The following WDR35 variants were observed in gnomAD, a reference collection of about 807,000 sequenced individuals.
The protein encoded by WDR35 is WD repeat domain 35.
In WDR35, 118 loss-of-function variants were observed where a neutral mutation model predicts 158.3. The observed-to-expected ratio is 0.75, with a 90% CI of 0.64 to 0.87. The LOEUF (loss-of-function observed/expected upper bound fraction) is 0.87. Ranked by LOEUF, WDR35 falls within the 40% of genes least tolerant of loss-of-function variation. The pLI is 0.00. For synonymous variants in WDR35, 448 were observed against 476.1 expected (o/e 0.94, Z 0.77); for missense variants, 1,263 against 1,405.8 (o/e 0.90, Z 1.62).
At chr2:19,932,126 G>C (rs1670544513) in intron 23 of WDR35, among the ~76,000 whole-genome samples, 157 bp downstream of exon 23, 1 of 151,960 alleles carries the variant, frequency 6.6e-6, no homozygotes, top group South Asian at 2.1e-4. Flanking sequence ...TTGGTAAAAG[G>C]CAATAATACT....
At position 19,969,133 on chromosome 2, in the gene WDR35, G is replaced by A. The variant is rs897322585; in HGVS notation, c.1008+347C>T. ...TGACTCCCTTGTCTTGCCCCTTCAG[G>A]CCCAGGGCTGGTGATGGCTTCTCAT... On this transcript the variant is annotated intron_variant, in intron 9 of 26. Transcript: ENST00000281405. Among the ~76,000 whole-genome samples the A allele has an allele frequency of 5.3e-5, 8 of 152,186 alleles. No individual in the cohort carries two copies. In the East Asian group the frequency reaches 1.3e-3, roughly 26 times the overall value.
chr2:19,913,047 G>C lies in WDR35; in HGVS notation c.*511C>G, dbSNP rs926215436. ...CTTAAAATGCCATCGCCTCACTTCT[G>C]AAAATACAATAAAGAAGACATTCGA... On this transcript the variant is annotated 3_prime_UTR_variant, in exon 27 of 27. Transcript: ENST00000281405. The C allele has an allele frequency of 6.5e-6, 1 of 152,784 alleles. No individual in the cohort carries two copies. The highest frequency in any genetic ancestry group is 2.4e-5 in the African/African-American group (1 of 41,436). 9.5% of individuals were successfully genotyped at this position (152,784 alleles called of 1,614,324 possible).
At chr2:19,969,083 A>G (rs1350547203) in intron 9 of WDR35, among the ~76,000 whole-genome samples, 2 of 152,190 alleles carry the variant, frequency 1.3e-5, no homozygotes, top group Admixed American at 6.5e-5. Context: ...TTGCACAGCC[A>G]CAGCTCTTGT....
At chr2:19,965,524 C>T (rs1044485746) in intron 10 of WDR35, among the ~76,000 whole-genome samples, 4 of 152,210 alleles carry the variant, frequency 2.6e-5, no homozygotes, top group Non-Finnish European at 4.4e-5. Context: ...TTTCCAAACT[C>T]CCACCTCAAA....
intron 7 of WDR35, 124 bp from the exon 8 acceptor site, chr2:19,973,832 G>A: frequency 7.4e-7 from 1 of 1,348,958 alleles, no homozygotes; most frequent in Admixed American, 2.0e-5. Context: ...ACAGGGCTGG[G>A]TACAACGGCT....
chr2:19,943,697 G>A (rs556303727), intron 16 of WDR35, among the ~76,000 whole-genome samples: 4 of 152,146 alleles, frequency 2.6e-5, no homozygotes, highest in African/African-American at 9.6e-5. Context: ...TAGTGCCAAT[G>A]AGAAGGAAGA....
intron 10 of WDR35, among the ~76,000 whole-genome samples, chr2:19,964,381 C>CTTTT (rs558586617): frequency 2.8e-3 from 315 of 113,436 alleles, no homozygotes; most frequent in Non-Finnish European, 3.0e-3. Context: ...CTTTTCTTTT[C>CTTTT]TTTTTTTTTT....
chr2:19,960,684 A>T, intron 10 of WDR35, 70 bp from the exon 11 acceptor site: 1 of 1,173,688 alleles, frequency 8.5e-7, no homozygotes, highest in South Asian at 1.3e-5. Context: ...TGCTTAATAT[A>T]TATCATGCTT....
intron 17 of WDR35, among the ~76,000 whole-genome samples, chr2:19,939,071 T>C (rs560896398): frequency 6.6e-6 from 1 of 152,298 alleles, no homozygotes; most frequent in African/African-American, 2.4e-5. Flanking sequence ...ACCACAGGCA[T>C]TTTCACACAT....
At chr2:19,975,980 A>G (rs1378766990) in intron 5 of WDR35, among the ~76,000 whole-genome samples, 1 of 152,190 alleles carries the variant, frequency 6.6e-6, no homozygotes, top group African/African-American at 2.4e-5. Flanking sequence ...CCCATCTTCA[A>G]CAATTCAGAA....
At chr2:19,941,453 C>A (rs1279531841) in intron 17 of WDR35, among the ~76,000 whole-genome samples, 1 of 152,160 alleles carries the variant, frequency 6.6e-6, no homozygotes, top group Non-Finnish European at 1.5e-5. Flanking sequence ...TTGGCCGTAG[C>A]ATTGTGCTAA....
At chr2:19,969,150 G>A (rs560302290) in intron 9 of WDR35, among the ~76,000 whole-genome samples, 1 of 152,304 alleles carries the variant, frequency 6.6e-6, no homozygotes, top group South Asian at 2.1e-4. Flanking sequence ...GCTGGTGATG[G>A]CTTCTCATTG....
intron 2 of WDR35, among the ~76,000 whole-genome samples, chr2:19,985,712 C>T (rs1379347058): frequency 1.4e-5 from 2 of 147,380 alleles, no homozygotes. Flanking sequence ...GGTGAAACCC[C>T]GTCTCTACTA....
intron 20 of WDR35, among the ~76,000 whole-genome samples, 192 bp downstream of exon 20, chr2:19,936,027 A>C (rs1274800484): frequency 2.3e-4 from 35 of 152,212 alleles, no homozygotes; most frequent in Admixed American, 2.3e-3. Context: ...GTGTTTATAC[A>C]CTACAAATTT....
At position 19,933,469 on chromosome 2, in the gene WDR35, C is replaced by T. The variant is rs267607175; in HGVS notation, c.2590G>A (p.Ala864Thr). 1.1e-5 allele frequency: 17 copies of T among 1,613,798 alleles called. No individual in the cohort carries two copies. The highest frequency in any genetic ancestry group is 1.4e-5 in the Non-Finnish European group (17 of 1,179,952). Reference sequence around the variant, plus strand: ...CTACATTTCAAAAATGCAGTCACTGCTTGTTCACACATTCCAACTCTGACA... The same window carrying T: ...CTACATTTCAAAAATGCAGTCACTGTTTGTTCACACATTCCAACTCTGACA... ...MFVRVGMCEQ[A>T]VTAFLKCSQP... Residue 864 changes from alanine to threonine, a missense_variant, in exon 22 of 27, where the codon GCA becomes ACA. Transcript: ENST00000281405.
intron 10 of WDR35, among the ~76,000 whole-genome samples, chr2:19,965,161 A>T (rs547602379): frequency 3.2e-4 from 49 of 152,248 alleles, no homozygotes; most frequent in South Asian, 6.2e-4. Flanking sequence ...GACCTCAGGT[A>T]ATCCGCCCGC....
chr2:19,956,821 G>A (rs10190645), intron 11 of WDR35, among the ~76,000 whole-genome samples: 30,220 of 151,610 alleles, frequency 0.2, 3,282 homozygotes, highest in East Asian at 0.4. Flanking sequence ...GGGTTTCACC[G>A]TGTTAGCCAG....
intron 4 of WDR35, 147 bp from the exon 5 acceptor site, chr2:19,979,026 C>A: frequency 1.0e-6 from 1 of 971,294 alleles, no homozygotes; most frequent in Non-Finnish European, 1.5e-6. Context: ...TATAAAACTT[C>A]CAAATCCAAC....
intron 11 of WDR35, among the ~76,000 whole-genome samples, chr2:19,959,913 T>C (rs1352782046): frequency 6.6e-6 from 1 of 152,060 alleles, no homozygotes; most frequent in Non-Finnish European, 1.5e-5. Context: ...AAAATACTTG[T>C]TAATGATTTT....
Sources: gnomAD v4.1 joint callset for allele counts (sites outside exome capture counted in the v4.1 genomes callset) on GRCh38, gnomAD v4.1.1 for gene constraint, MANE v1.5 for transcripts, NCBI Gene and HGNC (gene_info 2026-07-23, HGNC 2026-07-21) for gene names.